The following NR2F1-AS1 variants were observed in gnomAD, a reference collection of about 807,000 sequenced individuals.
NR2F1-AS1 encodes NR2F1 antisense RNA 1.
intron 1 of NR2F1-AS1, among the ~76,000 whole-genome samples, chr5:93,566,505 T>C (rs1435476327): frequency 6.6e-6 from 1 of 152,016 alleles, no homozygotes; most frequent in Non-Finnish European, 1.5e-5. Flanking sequence ...GTTGGGAAAA[T>C]ACTTCTGACA....
At chr5:93,486,910 G>A (rs973196327) in intron 4 of NR2F1-AS1, among the ~76,000 whole-genome samples, 1 of 152,274 alleles carries the variant, frequency 6.6e-6, no homozygotes, top group African/African-American at 2.4e-5. Flanking sequence ...CAATAAGTTG[G>A]CTTCATCCCT....
intron 4 of NR2F1-AS1, among the ~76,000 whole-genome samples, chr5:93,427,224 C>T (rs1454211119): frequency 6.6e-6 from 1 of 152,090 alleles, no homozygotes; most frequent in Non-Finnish European, 1.5e-5. Flanking sequence ...CAATTATAAA[C>T]TTTATATCGC....
At chr5:93,414,687 T>C (rs1748931414) in intron 4 of NR2F1-AS1, among the ~76,000 whole-genome samples, 1 of 152,224 alleles carries the variant, frequency 6.6e-6, no homozygotes, top group Non-Finnish European at 1.5e-5. Flanking sequence ...CCTTTCTACC[T>C]GGTGTTCTCC....
rs149837085 is a variant in NR2F1-AS1, at chr5:93,565,104, C to T, written n.314-1641G>A. On this transcript the variant is annotated intron_variant and non_coding_transcript_variant, in intron 1 of 5. Coordinates refer to ENST00000660523, the Ensembl canonical transcript of NR2F1-AS1. Reference sequence around the variant, plus strand: ...CAATGTGGAGTGAGGAAAAGACAACCTTAATGGAAGTCAGGAAAACTGAGT... The same window carrying T: ...CAATGTGGAGTGAGGAAAAGACAACTTTAATGGAAGTCAGGAAAACTGAGT... Among the ~76,000 whole-genome samples the T allele has an allele frequency of 4.6e-3, 704 of 152,204 alleles. 7 individuals carry two copies. Among genetic ancestry groups the T allele is most frequent in the African/African-American group, 0.013 (550 of 41,542 alleles).
At chr5:93,475,367 A>T (rs1373238840) in intron 4 of NR2F1-AS1, among the ~76,000 whole-genome samples, 3 of 152,170 alleles carry the variant, frequency 2.0e-5, no homozygotes, top group Non-Finnish European at 4.4e-5. Flanking sequence ...AGTCAACTCT[A>T]GAAAAAAAAC....
intron 1 of NR2F1-AS1, among the ~76,000 whole-genome samples, chr5:93,576,637 T>C (rs80198588): frequency 0.013 from 2,056 of 152,296 alleles, 50 homozygotes; most frequent in African/African-American, 0.048. Flanking sequence ...ACTTTTCCAC[T>C]AGTTTATCTC....
chr5:93,515,948 G>A (rs17083200), intron 4 of NR2F1-AS1, among the ~76,000 whole-genome samples: 26,152 of 151,746 alleles, frequency 0.17, 3,502 homozygotes, highest in African/African-American at 0.38. Context: ...AAGGTACATA[G>A]TAAGAACAGA....
chr5:93,472,648 A>G (rs1750392338), intron 4 of NR2F1-AS1, among the ~76,000 whole-genome samples: 1 of 151,772 alleles, frequency 6.6e-6, no homozygotes, highest in Admixed American at 6.6e-5. Flanking sequence ...GTGAAGAGAT[A>G]TTCACATATA....
chr5:93,492,212 T>A, intron 4 of NR2F1-AS1, among the ~76,000 whole-genome samples: 1 of 152,086 alleles, frequency 6.6e-6, no homozygotes, highest in East Asian at 1.9e-4. Context: ...ATGGACAAAT[T>A]CCTAGAAACA....
At chr5:93,582,287 G>T (rs1163968987), upstream of NR2F1-AS1, among the ~76,000 whole-genome samples, 43 of 141,482 alleles carry the variant, frequency 3.0e-4, no homozygotes, top group Admixed American at 3.0e-3. Flanking sequence ...AAAAAAAAAA[G>T]AAGAAGGAAA....
chr5:93,558,338 T>G (rs1309056578), intron 2 of NR2F1-AS1, among the ~76,000 whole-genome samples: 1 of 149,536 alleles, frequency 6.7e-6, no homozygotes, highest in Non-Finnish European at 1.5e-5. Context: ...TTTTTTTTTC[T>G]GAGATGGAAT....
intron 4 of NR2F1-AS1, among the ~76,000 whole-genome samples, chr5:93,525,298 C>T (rs950538295): frequency 1.3e-5 from 2 of 152,118 alleles, no homozygotes; most frequent in East Asian, 1.9e-4. Flanking sequence ...ATCAATGCAA[C>T]AAGAAGAGCT....
chr5:93,507,329 TTTTTTGTTTTG>T (rs1394522005), intron 4 of NR2F1-AS1, among the ~76,000 whole-genome samples: 1 of 110,372 alleles, frequency 9.1e-6, no homozygotes, highest in Non-Finnish European at 2.0e-5. Flanking sequence ...ATTTGGGGTT[TTTTTTGTTTTG>T]TTTTGTTTTG....
At chr5:93,519,777 C>G (rs1012155324) in intron 4 of NR2F1-AS1, among the ~76,000 whole-genome samples, 2 of 151,940 alleles carry the variant, frequency 1.3e-5, no homozygotes, top group Non-Finnish European at 2.9e-5. Flanking sequence ...AAAAATTCTG[C>G]AACAACTGCT....
At chr5:93,463,768 T>C (rs1366852629) in intron 4 of NR2F1-AS1, among the ~76,000 whole-genome samples, 1 of 152,228 alleles carries the variant, frequency 6.6e-6, no homozygotes, top group Non-Finnish European at 1.5e-5. Flanking sequence ...CCCTGCTGGA[T>C]TTCAGACTTG....
intron 2 of NR2F1-AS1, among the ~76,000 whole-genome samples, chr5:93,555,707 A>G (rs1276900501): frequency 6.6e-6 from 1 of 152,206 alleles, no homozygotes; most frequent in East Asian, 1.9e-4. Context: ...CTCATCACCA[A>G]TGACCATTAG....
chr5:93,474,568 C>G (rs906089939), intron 4 of NR2F1-AS1, among the ~76,000 whole-genome samples: 2 of 152,234 alleles, frequency 1.3e-5, no homozygotes, highest in East Asian at 3.9e-4. Flanking sequence ...AGATCCAGTG[C>G]CTGGTGAGGG....
At chr5:93,542,640 G>C (rs1184534125) in intron 4 of NR2F1-AS1, 1 of 152,116 alleles carries the variant, frequency 6.6e-6, no homozygotes, top group Non-Finnish European at 1.5e-5. Flanking sequence ...CAAGATAATG[G>C]GGAACTGTCA....
intron 1 of NR2F1-AS1, among the ~76,000 whole-genome samples, chr5:93,574,814 T>G (rs1752859852): frequency 6.6e-6 from 1 of 152,198 alleles, no homozygotes; most frequent in African/African-American, 2.4e-5. Context: ...CCACCGGAGC[T>G]TCCAAATATC....
Sources: gnomAD v4.1 joint callset for allele counts (sites outside exome capture counted in the v4.1 genomes callset) on GRCh38, gnomAD v4.1.1 for gene constraint, MANE v1.5 for transcripts, NCBI Gene and HGNC (gene_info 2026-07-23, HGNC 2026-07-21) for gene names.